The following PRAG1 variants were observed in gnomAD, a reference collection of about 807,000 sequenced individuals.
The protein encoded by PRAG1 is PEAK1 related, kinase-activating pseudokinase 1.
PRAG1 carries 110 observed loss-of-function variants against 95.6 expected under a neutral mutation model. The ratio of observed to expected loss-of-function variants is 1.15; its 90% CI spans 0.99 to 1.35. The LOEUF (loss-of-function observed/expected upper bound fraction) is 1.35. PRAG1 is among the 40% of genes most tolerant of loss of function. PRAG1 has a pLI of 0.00. For synonymous variants in PRAG1, 1,052 were observed against 819.4 expected, an observed-to-expected ratio of 1.28 and a Z score of -4.85; for missense variants, 2,554 against 1,864.7, an observed-to-expected ratio of 1.37 and a Z score of -6.81.
At chr8:8,342,856 T>C (rs1272801792) in intron 3 of PRAG1, among the ~76,000 whole-genome samples, 1 of 152,056 alleles carries the variant, frequency 6.6e-6, no homozygotes, top group Non-Finnish European at 1.5e-5. Context: ...GAAATAATTT[T>C]TAAAATAAGG....
chr8:8,322,381 C>A (rs1048436143), intron 5 of PRAG1, among the ~76,000 whole-genome samples: 1 of 152,052 alleles, frequency 6.6e-6, no homozygotes, highest in African/African-American at 2.4e-5. Context: ...AGGGTTTCAC[C>A]ATGTTGCCCA....
chr8:8,318,120 G>A lies in PRAG1; in HGVS notation c.*34C>T. On this transcript the variant is annotated 3_prime_UTR_variant, in exon 6 of 6. Transcript: ENST00000615670. The surrounding 1 kb of genome is among the most constrained non-coding windows in gnomAD (Gnocchi z 4.2). ...GCGAGACAGGAAAGGGTTAGGCAGG[G>A]AAGGGGCAGCGACGGTGCAGGCTGG... The A allele has an allele frequency of 6.3e-7, 1 of 1,575,978 alleles. No homozygotes were observed. The highest frequency in any genetic ancestry group is 8.6e-7 in the Non-Finnish European group (1 of 1,160,638).
In PRAG1 at chr8:8,367,458, CAAAAAAAAAAAAAAAAAAAAAA is replaced by C. The variant is rs1158165514; in HGVS notation, c.2162+8767_2162+8788del. 2.5e-3 allele frequency among the ~76,000 whole-genome samples: 65 copies of C among 26,246 alleles called. 3 individuals are homozygous for C. The Admixed American group carries it at 0.026, about 11-fold the overall frequency. The allele number at this position is 26,246 out of a possible 152,430, so 17.2% of individuals were successfully genotyped here. A position where few individuals can be genotyped will look rare whatever the true frequency, so the allele number is the denominator to read the frequency against. On this transcript the variant is annotated intron_variant, in intron 3 of 5. Coordinates refer to ENST00000615670, the MANE Select transcript of PRAG1 (RefSeq NM_001080826.3). ...AGGTGAAAGGAGCAAGACTCCATCT[CAAAAAAAAAAAAAAAAAAAAAA>C]AAAAAAAAAAAAAAAAAAGAATCGC...
intron 3 of PRAG1, among the ~76,000 whole-genome samples, chr8:8,354,334 C>T (rs1799621495): frequency 1.3e-5 from 2 of 151,912 alleles, no homozygotes; most frequent in South Asian, 4.1e-4. Context: ...CTGAATTCTG[C>T]CAAACATTCA....
chr8:8,333,590 T>G (rs902333295), intron 4 of PRAG1, among the ~76,000 whole-genome samples: 7 of 152,218 alleles, frequency 4.6e-5, no homozygotes, highest in Admixed American at 6.5e-5. Flanking sequence ...TTTTCCTTAT[T>G]ATAGAGTCCT....
In PRAG1 at chr8:8,318,841, CGCGGCG is replaced by C; in HGVS notation, c.3528_3533del (p.Ala1177_Ala1178del). The C allele has an allele frequency of 1.1e-6, 1 of 915,190 alleles. No individual in the cohort carries two copies. The highest frequency in any genetic ancestry group is 1.3e-6 in the Non-Finnish European group (1 of 756,586). The allele number at this position is 915,190 out of a possible 1,614,324, so 56.7% of individuals were successfully genotyped here. A position where few individuals can be genotyped will look rare whatever the true frequency, so the allele number is the denominator to read the frequency against. ...GCGGGGCGGCAGAGGAGCAGGGAGG[CGCGGCG>C]GCGGCGGGGGCGGGAGCCGGGGCGG... On this transcript the variant is annotated inframe_deletion, in exon 6 of 6. Coordinates refer to ENST00000615670, the MANE Select transcript of PRAG1 (RefSeq NM_001080826.3). This position sits in a 1 kb window ranked among gnomAD's most constrained non-coding sequence, Gnocchi z 4.2.
At chr8:8,378,495 T>C (rs1800513323) in intron 2 of PRAG1, among the ~76,000 whole-genome samples, 1 of 152,222 alleles carries the variant, frequency 6.6e-6, no homozygotes, top group Non-Finnish European at 1.5e-5. Context: ...TTTGAGTTTG[T>C]GGGTTTTTTG....
chr8:8,338,338 G>A (rs1378310222), intron 4 of PRAG1, among the ~76,000 whole-genome samples: 2 of 152,206 alleles, frequency 1.3e-5, no homozygotes, highest in East Asian at 3.8e-4. Context: ...CCCGCTGGTT[G>A]GTGACTGATG....
intron 3 of PRAG1, among the ~76,000 whole-genome samples, chr8:8,352,236 C>T (rs564976712): frequency 6.6e-6 from 1 of 152,184 alleles, no homozygotes; most frequent in African/African-American, 2.4e-5. Flanking sequence ...GAGCAGACAC[C>T]ATCACAGGTT....
At chr8:8,337,857 G>A (rs1377221775) in intron 4 of PRAG1, among the ~76,000 whole-genome samples, 1 of 152,150 alleles carries the variant, frequency 6.6e-6, no homozygotes, top group Non-Finnish European at 1.5e-5. Context: ...TGCTGTGAGA[G>A]CCGTGTACAA....
At chr8:8,346,937 C>T (rs1276422435) in intron 3 of PRAG1, among the ~76,000 whole-genome samples, 3 of 152,308 alleles carry the variant, frequency 2.0e-5, no homozygotes, top group Non-Finnish European at 2.9e-5. Flanking sequence ...CAGGCATTCA[C>T]ACTGCTGGCT....
intron 4 of PRAG1, among the ~76,000 whole-genome samples, chr8:8,330,549 C>A (rs1343501921): frequency 6.6e-6 from 1 of 152,162 alleles, no homozygotes; most frequent in African/African-American, 2.4e-5. Flanking sequence ...TATACCCCTT[C>A]CAGGAGGGCT....
intron 3 of PRAG1, among the ~76,000 whole-genome samples, chr8:8,347,316 AC>A: frequency 6.6e-6 from 1 of 152,154 alleles, no homozygotes; most frequent in Non-Finnish European, 1.5e-5. Flanking sequence ...CTGTGAATTC[AC>A]CAGCTCAGAG....
chr8:8,376,284 C>A lies in PRAG1; in HGVS notation c.2125G>T (p.Glu709Ter). The change falls in exon 3 of 6, where the codon GAG (glutamate) becomes TAG (stop). Residue 709 changes from glutamate (E) to a stop codon, truncating the protein, a stop_gained. Coordinates refer to ENST00000615670, the MANE Select transcript of PRAG1 (RefSeq NM_001080826.3). LOFTEE classifies it high-confidence loss of function. Reference protein sequence around the residue: ...FEFPKDRSGIETFSPPPPPPK... With the variant: ...FEFPKDRSGI ...GGCGGAGGAGGAGGTGAGAATGTCTCAATCCCACTTCTGTCCTTGGGGAAC... is the reference window on the plus strand; with the variant it reads ...GGCGGAGGAGGAGGTGAGAATGTCTAAATCCCACTTCTGTCCTTGGGGAAC... The A allele has an allele frequency of 6.2e-7, 1 of 1,614,142 alleles. No homozygotes were observed. Among genetic ancestry groups the A allele is most frequent in the Non-Finnish European group, 8.5e-7 (1 of 1,180,016 alleles).
chr8:8,334,476 T>C (rs1798923449), intron 4 of PRAG1, among the ~76,000 whole-genome samples: 1 of 151,962 alleles, frequency 6.6e-6, no homozygotes, highest in African/African-American at 2.4e-5. Context: ...CCTTTGCTTT[T>C]TTCAAGAAGA....
At chr8:8,356,368 C>T (rs1465002601) in intron 3 of PRAG1, among the ~76,000 whole-genome samples, 1 of 152,142 alleles carries the variant, frequency 6.6e-6, no homozygotes. Context: ...TGTTTTGAGA[C>T]AGGGTCTCAC....
At chr8:8,382,781 C>G (rs1563261020) in intron 1 of PRAG1, among the ~76,000 whole-genome samples, 2 of 152,194 alleles carry the variant, frequency 1.3e-5, no homozygotes, top group Admixed American at 1.3e-4. Context: ...TGAAATCATT[C>G]CATCAGGTAG....
intron 3 of PRAG1, among the ~76,000 whole-genome samples, chr8:8,350,952 A>G (rs1229586218): frequency 1.3e-5 from 2 of 152,158 alleles, no homozygotes; most frequent in African/African-American, 4.8e-5. Context: ...GGGTGCATGG[A>G]TGGATGGATG....
At chr8:8,359,098 T>G (rs1799770211) in intron 3 of PRAG1, among the ~76,000 whole-genome samples, 1 of 152,232 alleles carries the variant, frequency 6.6e-6, no homozygotes, top group Non-Finnish European at 1.5e-5. Flanking sequence ...TAAGATAAAC[T>G]ATTAGTTCTA....
Sources: allele counts gnomAD v4.1 joint callset (sites outside exome capture counted in the v4.1 genomes callset), GRCh38; gene constraint gnomAD v4.1.1; non-coding constraint Gnocchi (gnomAD v3.1); transcripts MANE v1.5; gene names NCBI Gene and HGNC (gene_info 2026-07-23, HGNC 2026-07-21).